AGBL1: variants seen among roughly 807,000 people sequenced by gnomAD.
AGBL1 encodes cytosolic carboxypeptidase 4.
AGBL1 carries 130 observed loss-of-function variants against 118.9 expected under a neutral mutation model. The ratio of observed to expected loss-of-function variants is 1.09; its 90% CI spans 0.95 to 1.26. The LOEUF (loss-of-function observed/expected upper bound fraction) is 1.26. Among genes scored for constraint, AGBL1 ranks in the 50% most tolerant of loss-of-function variants. AGBL1 has a pLI of 0.00. For missense variants in AGBL1, 1,584 were observed against 1,298.1 expected (o/e 1.22, Z -3.38); for synonymous variants, 555 against 478.9 (o/e 1.16, Z -2.08).
chr15:86,610,188 C>T (rs2142389003), intron 21 of AGBL1, among the ~76,000 whole-genome samples: 1 of 152,296 alleles, frequency 6.6e-6, no homozygotes, highest in African/African-American at 2.4e-5. Context: ...GTCATTTCGT[C>T]TCTTTTGACA....
intron 24 of AGBL1, among the ~76,000 whole-genome samples, chr15:86,991,144 C>T (rs2081332686): frequency 2.0e-5 from 3 of 152,166 alleles, no homozygotes; most frequent in South Asian, 2.1e-4. Context: ...CTAGGATTCT[C>T]GCTGTCTTCT....
intron 17 of AGBL1, among the ~76,000 whole-genome samples, chr15:86,371,836 C>A (rs1165372739): frequency 6.6e-6 from 1 of 152,100 alleles, no homozygotes; most frequent in Non-Finnish European, 1.5e-5. Context: ...TGTTTTGGCA[C>A]AATTTTGGTT....
At chr15:86,480,622 A>G (rs2082638424) in intron 18 of AGBL1, among the ~76,000 whole-genome samples, 1 of 152,092 alleles carries the variant, frequency 6.6e-6, no homozygotes, top group Non-Finnish European at 1.5e-5. Context: ...AGTGTTACAG[A>G]GGAATAAAAC....
chr15:86,986,026 C>T (rs2081278957), intron 23 of AGBL1, among the ~76,000 whole-genome samples: 1 of 151,902 alleles, frequency 6.6e-6, no homozygotes, highest in South Asian at 2.1e-4. Context: ...CGGTTTCAAG[C>T]CATTCTCCTG....
intron 21 of AGBL1, among the ~76,000 whole-genome samples, chr15:86,595,711 GA>G (rs1252167706): frequency 6.6e-6 from 1 of 152,140 alleles, no homozygotes; most frequent in Admixed American, 6.6e-5. Flanking sequence ...TATTGCAGTA[GA>G]AAAAGTTTAA....
chr15:86,573,671 T>C (rs1235241486), intron 21 of AGBL1, among the ~76,000 whole-genome samples: 1 of 152,194 alleles, frequency 6.6e-6, no homozygotes, highest in Admixed American at 6.5e-5. Context: ...CACTGGAGTA[T>C]GTAAGAACAT....
At chr15:86,994,672 A>G (rs1208799346) in intron 24 of AGBL1, among the ~76,000 whole-genome samples, 1 of 152,204 alleles carries the variant, frequency 6.6e-6, no homozygotes, top group Non-Finnish European at 1.5e-5. Flanking sequence ...AGAGGGAAAA[A>G]AATGCTTAAA....
chr15:86,870,258 A>G (rs145589185), intron 22 of AGBL1, among the ~76,000 whole-genome samples: 153 of 152,140 alleles, frequency 1.0e-3, no homozygotes, highest in Non-Finnish European at 1.7e-3. Context: ...CTTTATCTCT[A>G]TTTTTCATCC....
intron 17 of AGBL1, among the ~76,000 whole-genome samples, chr15:86,323,438 T>A (rs2080135996): frequency 6.6e-6 from 1 of 152,086 alleles, no homozygotes; most frequent in Non-Finnish European, 1.5e-5. Context: ...TCAACTAACT[T>A]CATTCTAAGG....
intron 18 of AGBL1, among the ~76,000 whole-genome samples, chr15:86,431,507 G>A (rs1409410299): frequency 6.6e-6 from 1 of 152,124 alleles, no homozygotes; most frequent in Admixed American, 6.5e-5. Context: ...CGCTAATGCC[G>A]TCCACAGTGT....
At chr15:86,742,192 A>G (rs1208791419) in intron 22 of AGBL1, among the ~76,000 whole-genome samples, 1 of 152,084 alleles carries the variant, frequency 6.6e-6, no homozygotes, top group African/African-American at 2.4e-5. Flanking sequence ...ACTGCAAAGG[A>G]CCAATTGTGT....
intron 5 of AGBL1, among the ~76,000 whole-genome samples, chr15:86,219,945 CTT>C (rs68023928): frequency 4.7e-4 from 40 of 85,760 alleles, no homozygotes; most frequent in African/African-American, 1.0e-3. Context: ...AATGCTGCCT[CTT>C]TTTTTTTTTT....
chr15:86,233,593 C>T (rs961424479), intron 6 of AGBL1, among the ~76,000 whole-genome samples: 1 of 152,166 alleles, frequency 6.6e-6, no homozygotes, highest in African/African-American at 2.4e-5. Context: ...AGTAAATATA[C>T]TCAAGGGACT....
In AGBL1 at chr15:86,900,093, A is replaced by G. The variant is rs374336291; in HGVS notation, c.3159-6994A>G. ...CTTCAACTTTTGGACTCTTGGGCTT[A>G]CAGCAGTGATTTGCCAGGAGCTCTC... On this transcript the variant is annotated intron_variant, in intron 22 of 22. Coordinates refer to ENST00000614907, the MANE Select transcript of AGBL1 (RefSeq NM_001386094.1). 5.9e-5 allele frequency among the ~76,000 whole-genome samples: 9 copies of G among 152,262 alleles called. No homozygotes were observed. In the East Asian group the frequency reaches 9.7e-4, roughly 16 times the overall value.
chr15:86,411,959 T>C (rs2081626918), intron 18 of AGBL1, among the ~76,000 whole-genome samples: 1 of 152,312 alleles, frequency 6.6e-6, no homozygotes, highest in African/African-American at 2.4e-5. Flanking sequence ...GATTGGTTGT[T>C]ATTGGTCTTT....
rs1300409574 is a variant in AGBL1 at position 86,912,111 on chromosome 15, A to G, written c.*4817A>G. On this transcript the variant is annotated 3_prime_UTR_variant, in exon 23 of 23. Coordinates refer to ENST00000614907, the MANE Select transcript of AGBL1 (RefSeq NM_001386094.1). Reference sequence around the variant, plus strand: ...TTTTCCTTAAATCCCTCCGTTTTCCATCTCAAAGAAGAGTTTGTGTTATAG... The same window carrying G: ...TTTTCCTTAAATCCCTCCGTTTTCCGTCTCAAAGAAGAGTTTGTGTTATAG... The G allele has an allele frequency of 1.3e-5, 2 of 152,170 alleles. No homozygotes were observed. Among genetic ancestry groups the G allele is most frequent in the Non-Finnish European group, 1.5e-5 (1 of 68,042 alleles). 9.4% of individuals were successfully genotyped at this position (152,170 alleles called of 1,614,324 possible). A position where few individuals can be genotyped will look rare whatever the true frequency, so the allele number is the denominator to read the frequency against.
intron 5 of AGBL1, among the ~76,000 whole-genome samples, chr15:86,188,491 T>G (rs977151914): frequency 6.6e-6 from 1 of 152,204 alleles, no homozygotes; most frequent in Non-Finnish European, 1.5e-5. Flanking sequence ...GTAACTAATA[T>G]AGATTTTAAC....
At chr15:86,680,495 C>T (rs1039132573) in intron 22 of AGBL1, among the ~76,000 whole-genome samples, 1 of 151,148 alleles carries the variant, frequency 6.6e-6, no homozygotes, top group Non-Finnish European at 1.5e-5. Context: ...GGTAGCCAGC[C>T]TAATTTTTCT....
At chr15:86,938,736 G>C (rs530933547) in intron 23 of AGBL1, 2 of 152,296 alleles carry the variant, frequency 1.3e-5, no homozygotes, top group South Asian at 4.1e-4. Context: ...TACCAAGAAA[G>C]CCTTTTGAGG....
Sources: allele counts gnomAD v4.1 joint callset (sites outside exome capture counted in the v4.1 genomes callset), GRCh38; gene constraint gnomAD v4.1.1; transcripts MANE v1.5; gene names NCBI Gene and HGNC (gene_info 2026-07-23, HGNC 2026-07-21).